The following UNC13B variants were observed in gnomAD, a reference collection of about 807,000 sequenced individuals.
UNC13B encodes the protein unc-13 homolog B, also known as protein unc-13 homolog B.
UNC13B carries 144 observed loss-of-function variants against 211.0 expected under a neutral mutation model. The observed-to-expected ratio is 0.68, with a 90% CI of 0.60 to 0.78. The LOEUF (loss-of-function observed/expected upper bound fraction) is 0.78. Among genes scored for constraint, UNC13B ranks in the 30% least tolerant of loss-of-function variants. The pLI, the probability that UNC13B is intolerant of heterozygous loss-of-function variation, is 0.00. For missense variants in UNC13B, 1,777 were observed against 2,002.0 expected (o/e 0.89, Z 2.14); for synonymous variants, 709 against 725.8 (o/e 0.98, Z 0.37).
rs1035165333 is a variant in UNC13B at position 35,382,217 on chromosome 9, G to A, written c.10656-140G>A. The A allele has an allele frequency of 1.5e-5, 17 of 1,122,038 alleles. No individual in the cohort carries two copies. The Admixed American group carries it at 2.1e-4, about 14-fold the overall frequency. 69.5% of individuals were successfully genotyped at this position (1,122,038 alleles called of 1,614,324 possible). The stretch of plus-strand genomic sequence containing the variant: ...AGTGAGGCTGCCCCTAGAGCTGTGT[G>A]CAGAAAGTAGCCCTAGGCAAGAGAG... On this transcript the variant is annotated intron_variant, in intron 20 of 39. Transcript: ENST00000635942.
At chr9:35,389,137 G>A (rs1835365522) in intron 24 of UNC13B, among the ~76,000 whole-genome samples, 1 of 152,132 alleles carries the variant, frequency 6.6e-6, no homozygotes, top group South Asian at 2.1e-4. Flanking sequence ...GATAATGTGT[G>A]TTCCACCCTC....
chr9:35,391,327 C>T (rs1835518976), intron 26 of UNC13B, among the ~76,000 whole-genome samples: 1 of 152,176 alleles, frequency 6.6e-6, no homozygotes, highest in Non-Finnish European at 1.5e-5. Context: ...CCCATCTGTA[C>T]TCACCTATTT....
At chr9:35,215,227 C>A (rs1824190300) in intron 1 of UNC13B, among the ~76,000 whole-genome samples, 1 of 151,994 alleles carries the variant, frequency 6.6e-6, no homozygotes, top group South Asian at 2.1e-4. Flanking sequence ...GCAACATAGA[C>A]CCTGTTTCTA....
chr9:35,353,553 C>T, intron 11 of UNC13B: 2 of 1,232,108 alleles, frequency 1.6e-6, no homozygotes, highest in Non-Finnish European at 2.0e-6. Flanking sequence ...GATCCAAGCA[C>T]CTTCTCTCTT....
Position 35,310,613 on chromosome 9 carries a change from C to T in UNC13B, c.9155C>T (p.Ser3052Phe). 1 of 1,613,844 alleles carries T rather than the reference C, an allele frequency of 6.2e-7. No individual in the cohort carries two copies. The highest frequency in any genetic ancestry group is 8.5e-7 in the Non-Finnish European group (1 of 1,179,966). Reference sequence around the variant, plus strand: ...TCTTGCCACAGCTCTCACAGCCTGTCCAGAGATGGCCAAGCAGGTTTTGGA... The same window carrying T: ...TCTTGCCACAGCTCTCACAGCCTGTTCAGAGATGGCCAAGCAGGTTTTGGA... ...IHSCHSSHSL[S>F]RDGQAGFGEQ... The change falls in exon 10 of 40, where the codon TCC (serine) becomes TTC (phenylalanine). Residue 3052 changes from serine to phenylalanine, a missense_variant. Coordinates refer to ENST00000635942, the MANE Select transcript of UNC13B (RefSeq NM_001371189.2).
chr9:35,275,759 A>G (rs1564108117), intron 7 of UNC13B, among the ~76,000 whole-genome samples: 1 of 151,834 alleles, frequency 6.6e-6, no homozygotes, highest in Non-Finnish European at 1.5e-5. Flanking sequence ...CACCTGGCTA[A>G]TTTTTGTAGT....
intron 22 of UNC13B, chr9:35,385,003 C>T (rs1237347096): frequency 1.0e-6 from 1 of 976,844 alleles, no homozygotes; most frequent in East Asian, 1.1e-4. Context: ...TGTCTGCACT[C>T]AAGTGCCCTC....
Position 35,399,743 on chromosome 9 carries a change from C to CTT in UNC13B, c.12336+18_12336+19dup. ...GACACCATCAAGGTGGAGGCCCCCC[C>CTT]TTTTTCAGACAGTCTTAACCACCAC... On this transcript the variant is annotated intron_variant, in intron 36 of 39. Coordinates refer to ENST00000635942, the MANE Select transcript of UNC13B (RefSeq NM_001371189.2). 6 of 1,613,740 alleles carry CTT rather than the reference C, an allele frequency of 3.7e-6. No individual in the cohort carries two copies. In the African/African-American group the frequency reaches 4.0e-5, roughly 11 times the overall value.
intron 9 of UNC13B, 85 bp downstream of exon 9, chr9:35,308,497 G>A (rs1370249962): frequency 2.5e-6 from 1 of 397,494 alleles, no homozygotes; most frequent in African/African-American, 2.1e-5. Context: ...ATTAATCATA[G>A]CTTGCTTTTT....
intron 1 of UNC13B, among the ~76,000 whole-genome samples, chr9:35,198,690 T>A (rs1489628510): frequency 6.6e-6 from 1 of 152,154 alleles, no homozygotes; most frequent in African/African-American, 2.4e-5. Flanking sequence ...AGAGACTTGT[T>A]AAATTGTTGT....
chr9:35,168,773 C>T (rs576071444), intron 1 of UNC13B, among the ~76,000 whole-genome samples: 3 of 149,828 alleles, frequency 2.0e-5, no homozygotes, highest in East Asian at 3.9e-4. Flanking sequence ...ATGATCACGG[C>T]TCACTGCAGT....
chr9:35,252,044 A>C (rs1173350075), intron 6 of UNC13B, among the ~76,000 whole-genome samples: 1 of 152,080 alleles, frequency 6.6e-6, no homozygotes, highest in Non-Finnish European at 1.5e-5. Flanking sequence ...TGTTTTGTAG[A>C]CTTCTGCACA....
intron 5 of UNC13B, among the ~76,000 whole-genome samples, chr9:35,239,945 C>T (rs1213369150): frequency 6.6e-6 from 1 of 152,090 alleles, no homozygotes; most frequent in African/African-American, 2.4e-5. Flanking sequence ...ACAATTTGTG[C>T]AGTTAACACA....
intron 11 of UNC13B, among the ~76,000 whole-genome samples, chr9:35,322,625 T>G (rs1207080832): frequency 6.6e-6 from 1 of 152,070 alleles, no homozygotes; most frequent in African/African-American, 2.4e-5. Flanking sequence ...TTCTGCAAAG[T>G]TCCGTTCTCA....
chr9:35,340,354 G>C (rs1016105569), intron 11 of UNC13B, among the ~76,000 whole-genome samples: 2 of 152,196 alleles, frequency 1.3e-5, no homozygotes, highest in African/African-American at 4.8e-5. Flanking sequence ...TGAGGGGGAA[G>C]CAATGTTATT....
intron 7 of UNC13B, among the ~76,000 whole-genome samples, chr9:35,270,247 A>G (rs965625459): frequency 2.6e-5 from 4 of 152,050 alleles, no homozygotes; most frequent in Non-Finnish European, 4.4e-5. Flanking sequence ...GGAACACACT[A>G]TGTTCTTCAT....
chr9:35,179,983 G>A (rs1821845984), intron 1 of UNC13B, among the ~76,000 whole-genome samples: 1 of 152,198 alleles, frequency 6.6e-6, no homozygotes, highest in Admixed American at 6.5e-5. Context: ...TGTCCTGTGT[G>A]TGTATAATCA....
chr9:35,350,738 C>T (rs1024680895), intron 11 of UNC13B, among the ~76,000 whole-genome samples: 1 of 150,988 alleles, frequency 6.6e-6, no homozygotes, highest in African/African-American at 2.5e-5. Context: ...AATACGTAAA[C>T]CATTGTCCTT....
Position 35,301,113 on chromosome 9 carries a change from A to G in UNC13B, c.1709A>G (p.Glu570Gly). 7.5e-6 allele frequency: 3 copies of G among 398,948 alleles called. No individual in the cohort carries two copies. Among genetic ancestry groups the G allele is most frequent in the Non-Finnish European group, 1.3e-5 (3 of 225,978 alleles). The allele number at this position is 398,948 out of a possible 1,614,324, so 24.7% of individuals were successfully genotyped here. ...KLVSLVPEKT[E>G]TLNQIEAINL... ...GTTTCCTTAGTTCCAGAAAAAACAG[A>G]AACTCTTAATCAAATAGAGGCAATT... is the stretch of plus-strand genomic sequence containing the variant. Residue 570 changes from glutamate (E) to glycine (G), a missense_variant, in exon 9 of 40, where the codon GAA becomes GGA. Glu to Gly is a moderately conservative substitution (Grantham distance 98). Coordinates refer to ENST00000635942, the MANE Select transcript of UNC13B (RefSeq NM_001371189.2).
Sources: allele counts gnomAD v4.1 joint callset (sites outside exome capture counted in the v4.1 genomes callset), GRCh38; gene constraint gnomAD v4.1.1; transcripts MANE v1.5; gene names NCBI Gene and HGNC (gene_info 2026-07-23, HGNC 2026-07-21).